FHIT: variants seen among roughly 807,000 people sequenced by gnomAD.
FHIT encodes fragile histidine triad diadenosine triphosphatase.
A neutral mutation model predicts 17.9 loss-of-function variants in FHIT; 19 were observed. The ratio of observed to expected loss-of-function variants is 1.06; its 90% CI spans 0.74 to 1.56. The LOEUF is 1.56. Among genes scored for constraint, FHIT ranks in the 40% most tolerant of loss-of-function variants. The pLI is 0.00. For synonymous variants in FHIT, 81 were observed against 69.7 expected, an observed-to-expected ratio of 1.16 and a Z score of -0.81; for missense variants, 248 against 189.2, an observed-to-expected ratio of 1.31 and a Z score of -1.82.
At chr3:60,210,028 C>T (rs577558555) in intron 5 of FHIT, among the ~76,000 whole-genome samples, 51 of 152,174 alleles carry the variant, frequency 3.4e-4, no homozygotes, top group African/African-American at 1.1e-3. Context: ...CAAACCTGCA[C>T]GTTCTGCGCA....
chr3:61,182,304 A>G (rs1374274464), intron 2 of FHIT, among the ~76,000 whole-genome samples: 1 of 152,232 alleles, frequency 6.6e-6, no homozygotes, highest in Non-Finnish European at 1.5e-5. Context: ...CAACTGTTCC[A>G]AAAGTTCAGT....
chr3:60,509,059 G>A (rs2034844895), intron 5 of FHIT, among the ~76,000 whole-genome samples: 1 of 151,910 alleles, frequency 6.6e-6, no homozygotes, highest in South Asian at 2.1e-4. Context: ...ATTCTTTTGG[G>A]GTACCTGCAA....
chr3:60,116,324 T>C (rs750906164), intron 5 of FHIT, among the ~76,000 whole-genome samples: 3 of 152,182 alleles, frequency 2.0e-5, no homozygotes, highest in Non-Finnish European at 4.4e-5. Context: ...GTAACTTTTA[T>C]ATGAAAAAGC....
rs534164931 is a variant in FHIT at position 60,637,908 on chromosome 3, T to C, written c.-17-100929A>G. ...CCAGATCTGCTCCAGGAAATAGACA[T>C]GATGAATTGGCAAATTTTGTTGTGG... On this transcript the variant is annotated intron_variant, in intron 4 of 9. Coordinates refer to ENST00000492590, the MANE Select transcript of FHIT (RefSeq NM_002012.4). Among the ~76,000 whole-genome samples, 3 of 152,234 alleles carry C rather than the reference T, an allele frequency of 2.0e-5. No homozygotes were observed. The South Asian group carries it at 6.2e-4, about 32-fold the overall frequency.
chr3:59,753,282 G>A (rs555919609), intron 8 of FHIT, among the ~76,000 whole-genome samples: 98 of 152,238 alleles, frequency 6.4e-4, no homozygotes, highest in Admixed American at 1.6e-3. Flanking sequence ...GAGATTAAAT[G>A]AGAAAACAAC....
At chr3:60,450,061 A>G (rs1227357156) in intron 5 of FHIT, among the ~76,000 whole-genome samples, 1 of 151,310 alleles carries the variant, frequency 6.6e-6, no homozygotes, top group Non-Finnish European at 1.5e-5. Context: ...AGACCTATAT[A>G]GAGCACTTAA....
At chr3:60,498,596 C>T (rs1476912821) in intron 5 of FHIT, among the ~76,000 whole-genome samples, 1 of 152,082 alleles carries the variant, frequency 6.6e-6, no homozygotes, top group African/African-American at 2.4e-5. Flanking sequence ...ATTCGACAAC[C>T]TAATGATATC....
chr3:61,005,959 T>C (rs988569022), intron 3 of FHIT, among the ~76,000 whole-genome samples: 1 of 152,070 alleles, frequency 6.6e-6, no homozygotes, highest in Non-Finnish European at 1.5e-5. Context: ...CTACACAGTT[T>C]AGAATCTGAG....
chr3:60,109,834 C>T (rs1050017174), intron 5 of FHIT, among the ~76,000 whole-genome samples: 1 of 152,174 alleles, frequency 6.6e-6, no homozygotes, highest in African/African-American at 2.4e-5. Context: ...TAGTTGGCTA[C>T]TGACCCACAG....
At chr3:61,215,511 A>G (rs2039644672) in intron 1 of FHIT, among the ~76,000 whole-genome samples, 1 of 152,206 alleles carries the variant, frequency 6.6e-6, no homozygotes, top group African/African-American at 2.4e-5. Context: ...AAACAAATGG[A>G]AGAACATTCT....
intron 5 of FHIT, among the ~76,000 whole-genome samples, chr3:60,515,080 A>G (rs986782974): frequency 3.3e-5 from 5 of 152,032 alleles, no homozygotes; most frequent in South Asian, 2.1e-4. Flanking sequence ...GGGCACCGCA[A>G]ATGAACAGGC....
intron 5 of FHIT, among the ~76,000 whole-genome samples, chr3:60,134,933 A>G: frequency 6.6e-6 from 1 of 152,066 alleles, no homozygotes; most frequent in Non-Finnish European, 1.5e-5. Context: ...CAAGCACTCA[A>G]TAAATATGGA....
At chr3:60,262,038 C>G (rs541593493) in intron 5 of FHIT, among the ~76,000 whole-genome samples, 22 of 152,102 alleles carry the variant, frequency 1.4e-4, no homozygotes, top group Admixed American at 3.9e-4. Context: ...GTACATTTCC[C>G]TATGTCTTTG....
intron 3 of FHIT, among the ~76,000 whole-genome samples, chr3:60,929,546 C>G (rs1203972950): frequency 6.6e-6 from 1 of 151,810 alleles, no homozygotes; most frequent in Non-Finnish European, 1.5e-5. Flanking sequence ...GCAAAAATCA[C>G]AAGCATTCTT....
intron 5 of FHIT, among the ~76,000 whole-genome samples, chr3:60,363,418 A>G (rs1157808997): frequency 1.3e-5 from 2 of 152,206 alleles, no homozygotes; most frequent in African/African-American, 4.8e-5. Flanking sequence ...AGTAATGGCT[A>G]CAATGTATTG....
intron 7 of FHIT, among the ~76,000 whole-genome samples, chr3:60,006,687 G>A (rs1415167836): frequency 6.6e-6 from 1 of 151,854 alleles, no homozygotes; most frequent in Non-Finnish European, 1.5e-5. Flanking sequence ...GATGTTCAGA[G>A]AGGCTAAAAG....
chr3:61,000,813 A>G (rs1361795337), intron 3 of FHIT, among the ~76,000 whole-genome samples: 4 of 152,196 alleles, frequency 2.6e-5, no homozygotes, highest in Non-Finnish European at 5.9e-5. Flanking sequence ...CCAGTAAAGA[A>G]GTCCAGTAGA....
chr3:60,058,137 T>G (rs1018282368), intron 5 of FHIT, among the ~76,000 whole-genome samples: 27 of 128,442 alleles, frequency 2.1e-4, no homozygotes, highest in Admixed American at 4.6e-4. Context: ...TGTGTTTTTT[T>G]TTTTTTTTTT....
chr3:60,771,925 A>AG (rs1553723148), intron 4 of FHIT, among the ~76,000 whole-genome samples: 1 of 152,210 alleles, frequency 6.6e-6, no homozygotes, highest in African/African-American at 2.4e-5. Flanking sequence ...TGAAAATCTC[A>AG]GACACAATTT....
Sources: allele counts gnomAD v4.1 joint callset (sites outside exome capture counted in the v4.1 genomes callset), GRCh38; gene constraint gnomAD v4.1.1; transcripts MANE v1.5; gene names NCBI Gene and HGNC (gene_info 2026-07-23, HGNC 2026-07-21).